NSDHL: variants seen among roughly 807,000 people sequenced by gnomAD.
NSDHL encodes the protein NAD(P) dependent 3-beta-hydroxysteroid dehydrogenase NSDHL, also known as sterol-4-alpha-carboxylate 3-dehydrogenase, decarboxylating.
In NSDHL, 1 loss-of-function variant was observed where a neutral mutation model predicts 23.0. The observed-to-expected ratio is 0.04, with a 90% CI of 0.02 to 0.21. The LOEUF is 0.21. Among genes scored for constraint, NSDHL ranks in the 10% least tolerant of loss-of-function variants. The pLI, the probability that NSDHL is intolerant of heterozygous loss-of-function variation, is 1.00. For missense variants in NSDHL, 237 were observed against 300.9 expected (o/e 0.79, Z 1.57); for synonymous variants, 128 against 121.1 (o/e 1.06, Z -0.37).
intron 5 of NSDHL, among the ~76,000 whole-genome samples, chrX:152,863,501 C>A (rs1933560315): frequency 8.9e-6 from 1 of 112,360 alleles, no homozygotes; most frequent in African/African-American, 3.2e-5. Context: ...ACTCTCACCC[C>A]CTCCCTTACT....
At chrX:152,846,193 C>T (rs1222086666) in intron 1 of NSDHL, 89 bp from the exon 2 acceptor site, 7 of 545,093 alleles carry the variant, frequency 1.3e-5, no homozygotes, top group African/African-American at 6.8e-5. Context: ...AAAACATGAA[C>T]GGGGGGATGG....
chrX:152,862,813 G>C (rs1202070699), intron 5 of NSDHL, 89 bp downstream of exon 5: 13 of 897,998 alleles, frequency 1.4e-5, no homozygotes, highest in Admixed American at 1.3e-4. Context: ...TTTGTATTCT[G>C]AGGCCTACGT....
chrX:152,840,199 C>T (rs1248380947), intron 1 of NSDHL, among the ~76,000 whole-genome samples: 1 of 112,120 alleles, frequency 8.9e-6, no homozygotes, highest in African/African-American at 3.2e-5. Context: ...GTTAGTCATT[C>T]ATCTAACCTT....
intron 1 of NSDHL, among the ~76,000 whole-genome samples, chrX:152,844,525 A>G (rs1464076321): frequency 1.8e-5 from 2 of 112,785 alleles, no homozygotes; most frequent in Admixed American, 1.9e-4. Context: ...TGGTGGGGTC[A>G]GAGGCCAGAT....
At position 152,851,551 on chromosome X, in the gene NSDHL, C is replaced by T. The variant is rs142025836; in HGVS notation, c.267+1128C>T. On this transcript the variant is annotated intron_variant, in intron 3 of 7. Transcript: ENST00000370274. ...GATGAAATATTAAGGCCATTGCTTCCGCTGCAAAGTTACGGTTGTTTTCTC... is the reference window on the plus strand; with the variant it reads ...GATGAAATATTAAGGCCATTGCTTCTGCTGCAAAGTTACGGTTGTTTTCTC... Among the ~76,000 whole-genome samples the T allele has an allele frequency of 7.6e-3, 845 of 111,308 alleles. 8 individuals are homozygous for T. The highest frequency in any genetic ancestry group is 0.025 in the African/African-American group (771 of 30,549).
In NSDHL at chrX:152,869,422, T is replaced by C. The variant is rs141761159; in HGVS notation, c.*306T>C. 1 of 336,702 alleles carries C rather than the reference T, an allele frequency of 3.0e-6. No individual in the cohort carries two copies. Among genetic ancestry groups the C allele is most frequent in the African/African-American group, 2.6e-5 (1 of 37,866 alleles). The allele number at this position is 336,702 out of a possible 1,213,427, so 27.7% of individuals were successfully genotyped here. A position where few individuals can be genotyped will look rare whatever the true frequency, so the allele number is the denominator to read the frequency against. On this transcript the variant is annotated 3_prime_UTR_variant, in exon 8 of 8. Transcript: ENST00000370274. ...CCCCTCTTCTGGTTTATACATTTCA[T>C]TCCAGTGTCCTTGTACATAATCAAG...
Position 152,857,451 on chromosome X carries a change from C to G in NSDHL, c.268-1319C>G, listed in dbSNP as rs375874489. Among the ~76,000 whole-genome samples, 3 of 112,226 alleles carry G rather than the reference C, an allele frequency of 2.7e-5. No homozygotes were observed. In the South Asian group the frequency reaches 1.1e-3, roughly 41 times the overall value. On this transcript the variant is annotated intron_variant, in intron 3 of 7. Transcript: ENST00000370274. ...ACTGATGTGGTATTCTTGCCAAAAC[C>G]ATTAAGCCTGAATCTAATCTTGAGG...
intron 1 of NSDHL, among the ~76,000 whole-genome samples, chrX:152,842,533 C>T (rs782772501): frequency 7.2e-5 from 8 of 111,671 alleles, no homozygotes; most frequent in Non-Finnish European, 1.1e-4. Flanking sequence ...GAGTCTTGTT[C>T]TGTCGCCCAG....
intron 1 of NSDHL, among the ~76,000 whole-genome samples, chrX:152,843,886 G>A (rs1171595276): frequency 8.9e-6 from 1 of 112,258 alleles, no homozygotes; most frequent in Non-Finnish European, 1.9e-5. Flanking sequence ...TACAAAGCAT[G>A]TCCTTGGTTG....
At chrX:152,833,911 G>A (rs142935891) in intron 1 of NSDHL, among the ~76,000 whole-genome samples, 316 of 112,720 alleles carry the variant, frequency 2.8e-3, no homozygotes, top group African/African-American at 9.9e-3. Flanking sequence ...GGAAATCAAT[G>A]CATGAGGTGA....
intron 1 of NSDHL, among the ~76,000 whole-genome samples, chrX:152,833,625 C>T (rs1173632282): frequency 8.9e-6 from 1 of 112,306 alleles, no homozygotes; most frequent in Non-Finnish European, 1.9e-5. Context: ...CCACCCTGGC[C>T]ATGGAATGTC....
At chrX:152,842,755 G>A (rs1288203863) in intron 1 of NSDHL, among the ~76,000 whole-genome samples, 1 of 112,064 alleles carries the variant, frequency 8.9e-6, no homozygotes, top group Admixed American at 9.5e-5. Context: ...ACCTGCCTCG[G>A]CCTCCCAAAG....
chrX:152,840,350 C>T (rs1488136534), intron 1 of NSDHL, among the ~76,000 whole-genome samples: 2 of 112,181 alleles, frequency 1.8e-5, no homozygotes, highest in African/African-American at 3.2e-5. Flanking sequence ...CTGTTGCTGG[C>T]GAGGAGCTGT....
intron 7 of NSDHL, 77 bp downstream of exon 7, chrX:152,867,750 AGTTGCTCCTGTGATCCT>A (rs1192158600): frequency 1.1e-5 from 8 of 751,079 alleles, no homozygotes; most frequent in Non-Finnish European, 1.6e-5. Context: ...TTTGCTGGCA[AGTTGCTCCTGTGATCCT>A]GTATCATGGA....
At position 152,851,771 on chromosome X, in the gene NSDHL, A is replaced by G. The variant is rs1188764209; in HGVS notation, c.267+1348A>G. On this transcript the variant is annotated intron_variant, in intron 3 of 7. Coordinates refer to ENST00000370274, the MANE Select transcript of NSDHL (RefSeq NM_015922.3). ...CCCACAGCCGCCTGCTCCCCTTCCC[A>G]GTGACTCCACATCATTTCTCAGTGA... Among the ~76,000 whole-genome samples, 21 of 109,887 alleles carry G rather than the reference A, an allele frequency of 1.9e-4. No homozygotes were observed. In the Admixed American group the frequency reaches 1.9e-3, roughly 10 times the overall value.
chrX:152,859,499 C>T (rs189383728), intron 4 of NSDHL, among the ~76,000 whole-genome samples: 218 of 112,192 alleles, frequency 1.9e-3, no homozygotes, highest in Middle Eastern at 4.6e-3. Flanking sequence ...TTGTGTCTGG[C>T]TTTTCACCGA....
At chrX:152,848,802 C>G (rs1397501602) in intron 2 of NSDHL, among the ~76,000 whole-genome samples, 2 of 111,891 alleles carry the variant, frequency 1.8e-5, no homozygotes, top group Non-Finnish European at 3.8e-5. Flanking sequence ...GTACAGCTGA[C>G]TTGGGAGGAG....
At position 152,858,808 on chromosome X, in the gene NSDHL, C is replaced by T. The variant is rs141089248; in HGVS notation, c.306C>T (p.Phe102=). Reference sequence around the variant, plus strand: ...CTCTGAAAGGTGTAAACACAGTTTTCCACTGTGCGTCACCCCCACCATCCA... The same window carrying T: ...CTCTGAAAGGTGTAAACACAGTTTTTCACTGTGCGTCACCCCCACCATCCA... ...YPALKGVNTV[F]HCASPPPSSN... Residue 102 remains phenylalanine, a synonymous_variant, in exon 4 of 8, where the codon TTC becomes TTT. Coordinates refer to ENST00000370274, the MANE Select transcript of NSDHL (RefSeq NM_015922.3). The T allele has an allele frequency of 1.1e-3, 1,281 of 1,205,777 alleles. 5 individuals carry two copies. Among genetic ancestry groups the T allele is most frequent in the Middle Eastern group, 3.0e-3 (13 of 4,343 alleles).
At chrX:152,860,726 T>C (rs1933513316) in intron 4 of NSDHL, among the ~76,000 whole-genome samples, 1 of 110,067 alleles carries the variant, frequency 9.1e-6, no homozygotes, top group Non-Finnish European at 1.9e-5. Context: ...AAAAAAAAAA[T>C]TAAAAAAACA....
Sources: allele counts gnomAD v4.1 joint callset (sites outside exome capture counted in the v4.1 genomes callset), GRCh38; gene constraint gnomAD v4.1.1; transcripts MANE v1.5; gene names NCBI Gene and HGNC (gene_info 2026-07-23, HGNC 2026-07-21).